The following GATA2 variants were observed in gnomAD, a reference collection of about 807,000 sequenced individuals.
GATA2 encodes GATA binding protein 2.
A neutral mutation model predicts 35.7 loss-of-function variants in GATA2; 6 were observed. The observed-to-expected ratio is 0.17, with a 90% CI of 0.09 to 0.33. The LOEUF (loss-of-function observed/expected upper bound fraction) is 0.33, where lower values mean the gene tolerates loss of function less well. GATA2 is among the 10% of genes least tolerant of loss of function. The pLI is 1.00. For missense variants in GATA2, 541 were observed against 656.6 expected, an observed-to-expected ratio of 0.82 and a Z score of 1.92; for synonymous variants, 313 against 274.9, an observed-to-expected ratio of 1.14 and a Z score of -1.37.
Position 128,488,692 on chromosome 3 carries a change from T to C in GATA2, c.-45-1616A>G, listed in dbSNP as rs973600130. On this transcript the variant is annotated intron_variant, in intron 1 of 5. Transcript: ENST00000341105. The surrounding 1 kb of genome is among the most constrained non-coding windows in gnomAD (Gnocchi z 5.8). ...AGACGCCCCCGGGCAAGAGGTGGCA[T>C]TTTTTTTCCTCCGGGGGGGGTCCCC... Among the ~76,000 whole-genome samples, 5 of 151,496 alleles carry C rather than the reference T, an allele frequency of 3.3e-5. No homozygotes were observed. The highest frequency in any genetic ancestry group is 7.4e-5 in the Non-Finnish European group (5 of 67,816).
At chr3:128,485,053 C>T (rs904754621) in intron 3 of GATA2, among the ~76,000 whole-genome samples, 3 of 152,190 alleles carry the variant, frequency 2.0e-5, no homozygotes, top group African/African-American at 7.2e-5. Context: ...CTTGGACAAA[C>T]CCAGTTTGGC....
Position 128,481,166 on chromosome 3 carries a change from G to A in GATA2, c.1296C>T (p.Ala432=), listed in dbSNP as rs2068622930. 1.2e-6 allele frequency: 2 copies of A among 1,614,212 alleles called. No individual in the cohort carries two copies. The highest frequency in any genetic ancestry group is 8.5e-7 in the Non-Finnish European group (1 of 1,180,032). The change falls in exon 6 of 6, where the codon GCC becomes GCT. Residue 432 remains alanine, a synonymous_variant. Transcript: ENST00000341105. The part of the protein sequence containing the change: ...QEKSSPFSAA[A]LAGHMAPVGH... ...CCACAGGTGCCATGTGTCCAGCCAG[G>A]GCAGCTGCACTGAAGGGGGATGACT...
chr3:128,482,878 A>G (rs1336260544), intron 4 of GATA2, among the ~76,000 whole-genome samples: 2 of 152,254 alleles, frequency 1.3e-5, no homozygotes, highest in Non-Finnish European at 2.9e-5. Flanking sequence ...AGAGAACTGC[A>G]GGCGGGAGTG....
At chr3:128,491,579 G>A (rs984536020) in intron 1 of GATA2, among the ~76,000 whole-genome samples, 7 of 152,190 alleles carry the variant, frequency 4.6e-5, no homozygotes, top group Non-Finnish European at 7.4e-5. Flanking sequence ...GGGGACTACT[G>A]CTATAACGGC....
intron 5 of GATA2, 137 bp downstream of exon 5, chr3:128,481,682 C>G (rs1054204402): frequency 2.7e-5 from 29 of 1,069,942 alleles, no homozygotes; most frequent in Non-Finnish European, 3.3e-5. Flanking sequence ...TACGGGAAGC[C>G]CTTCTGGCGC....
intron 5 of GATA2, among the ~76,000 whole-genome samples, 171 bp from the exon 6 acceptor site, chr3:128,481,489 G>C (rs111709459): frequency 5.3e-5 from 8 of 152,292 alleles, no homozygotes; most frequent in Non-Finnish European, 1.2e-4. Flanking sequence ...CAGGAAGGGC[G>C]GGTTCTGGCA....
intron 3 of GATA2, among the ~76,000 whole-genome samples, 199 bp from the exon 4 acceptor site, chr3:128,484,204 G>A (rs907778821): frequency 4.6e-5 from 7 of 152,166 alleles, no homozygotes; most frequent in Admixed American, 6.5e-5. Flanking sequence ...GTCCAGAGTC[G>A]TTTAAAGCCA....
At chr3:128,484,046 G>T in intron 3 of GATA2, 41 bp from the exon 4 acceptor site, 1 of 1,603,706 alleles carries the variant, frequency 6.2e-7, no homozygotes, top group Non-Finnish European at 8.5e-7. Flanking sequence ...CTGCTTAACC[G>T]GCAAGTTCTC....
chr3:128,486,832 C>A lies in GATA2; in HGVS notation c.200G>T (p.Arg67Leu), dbSNP rs1390513714. The A allele has an allele frequency of 6.2e-7, 1 of 1,610,324 alleles. No individual in the cohort carries two copies. The highest frequency in any genetic ancestry group is 1.1e-5 in the South Asian group (1 of 90,080). Residue 67 changes from arginine to leucine, a missense_variant, in exon 2 of 6, where the codon CGG becomes CTG. This residue lies in a region of GATA2 where 389 missense variants were observed against 396.9 expected (regional missense o/e 0.98). Transcript: ENST00000341105. ...CGCGGGGCTGTAGGAGACGCGCGCCCGCGCGTGAGCGGGGTTGGCATAGTA... is the reference window on the plus strand; with the variant it reads ...CGCGGGGCTGTAGGAGACGCGCGCCAGCGCGTGAGCGGGGTTGGCATAGTA... The part of the protein sequence containing the change: ...NPYYANPAHA[R>L]ARVSYSPAHA...
At chr3:128,491,157 C>G (rs1440578559) in intron 1 of GATA2, among the ~76,000 whole-genome samples, 1 of 151,094 alleles carries the variant, frequency 6.6e-6, no homozygotes, top group African/African-American at 2.4e-5. Context: ...TCTACTAAGC[C>G]GCGGGTGCCA....
chr3:128,493,147 T>A lies in GATA2; in HGVS notation c.-294A>T, dbSNP rs2107678162. On this transcript the variant is annotated 5_prime_UTR_variant, in exon 1 of 6. Transcript: ENST00000341105. Reference sequence around the variant, plus strand: ...GCAATAGACAGACTTGAGCAGCGAGTCCCGGGGCGACGCTGGCCTCGCTAC... The same window carrying A: ...GCAATAGACAGACTTGAGCAGCGAGACCCGGGGCGACGCTGGCCTCGCTAC... 6.6e-6 allele frequency: 1 copy of A among 152,082 alleles called. No individual in the cohort carries two copies. The highest frequency in any genetic ancestry group is 1.9e-4 in the East Asian group (1 of 5,158). The allele number at this position is 152,082 out of a possible 1,614,324, so 9.4% of individuals were successfully genotyped here.
intron 1 of GATA2, chr3:128,490,035 A>C (rs2068752998): frequency 6.6e-6 from 1 of 152,244 alleles, no homozygotes; most frequent in Non-Finnish European, 1.5e-5. Flanking sequence ...CGCGGCTCTC[A>C]GGGAAGTGGC....
At chr3:128,486,751 C>T in intron 2 of GATA2, 52 bp downstream of exon 2, 1 of 1,520,104 alleles carries the variant, frequency 6.6e-7, no homozygotes, top group Non-Finnish European at 9.0e-7. Flanking sequence ...CCTCCCCTCC[C>T]TCGCCTGGCG....
At position 128,485,989 on chromosome 3, in the gene GATA2, G is replaced by A; in HGVS notation, c.609C>T (p.Ala203=). The A allele has an allele frequency of 6.2e-7, 1 of 1,614,204 alleles. No individual in the cohort carries two copies. Residue 203 remains alanine, a synonymous_variant, in exon 3 of 6, where the codon GCC becomes GCT. Coordinates refer to ENST00000341105, the MANE Select transcript of GATA2 (RefSeq NM_032638.5). ...PASSSAGGSA[A]RGEDKDGVKY... ...TGACGCCGTCCTTGTCCTCTCCTCG[G>A]GCTGCACTACCCCCCGCGGAAGATG...
At chr3:128,489,650 C>G (rs2068748970) in intron 1 of GATA2, 1 of 152,150 alleles carries the variant, frequency 6.6e-6, no homozygotes, top group Non-Finnish European at 1.5e-5. Flanking sequence ...GGCGCCGGGC[C>G]TCCGCGGCCA....
rs1553771053 is a variant in GATA2, at chr3:128,486,296, C to T, written c.302G>A (p.Gly101Asp). ...HSPGLPWLDGGKAALSAAAAH... is the reference protein window; with the variant it reads ...HSPGLPWLDGDKAALSAAAAH... ...CGCAGCGGCAGAGAGGGCTGCTTTG[C>T]CCCCGTCCAGCCAGGGCAAACCCGG... Residue 101 changes from glycine (G) to aspartate (D), a missense_variant, in exon 3 of 6, where the codon GGC becomes GAC. Gly to Asp is a moderately conservative substitution (Grantham distance 94). Transcript: ENST00000341105. 6.3e-7 allele frequency: 1 copy of T among 1,588,358 alleles called. No individual in the cohort carries two copies. Among genetic ancestry groups the T allele is most frequent in the East Asian group, 2.3e-5 (1 of 44,082 alleles).
chr3:128,481,463 C>A (rs2068627374), intron 5 of GATA2, 145 bp from the exon 6 acceptor site: 2 of 924,070 alleles, frequency 2.2e-6, no homozygotes, highest in East Asian at 2.5e-5. Context: ...GTCCCATCAC[C>A]AGATGGCTAC....
rs781124043 is a variant in GATA2, at chr3:128,486,906, T to A, written c.126A>T (p.Pro42=). ...GATTGAAGAAGACGTCCACCTCGTC[T>A]GGAGGCAGCAGCTGCGCGGGTTCCA... is the stretch of plus-strand genomic sequence containing the variant. ...NYMEPAQLLP[P]DEVDVFFNHL... Residue 42 remains proline (P), a synonymous_variant, in exon 2 of 6, where the codon CCA becomes CCT. Transcript: ENST00000341105. 6.2e-7 allele frequency: 1 copy of A among 1,612,780 alleles called. No individual in the cohort carries two copies. Among genetic ancestry groups the A allele is most frequent in the Non-Finnish European group, 8.5e-7 (1 of 1,179,592 alleles).
In GATA2 at chr3:128,493,032, C is replaced by G. The variant is rs890513278; in HGVS notation, c.-179G>C. The G allele has an allele frequency of 6.5e-6, 1 of 152,802 alleles. No individual in the cohort carries two copies. 9.5% of individuals were successfully genotyped at this position (152,802 alleles called of 1,614,324 possible). A position where few individuals can be genotyped will look rare whatever the true frequency, so the allele number is the denominator to read the frequency against. The stretch of plus-strand genomic sequence containing the variant: ...GCGGCGCTCACCAGCAGAGCCTGGG[C>G]GGCACGCCGAGCGGCCGCATGGTGT... On this transcript the variant is annotated 5_prime_UTR_variant, in exon 1 of 6. Coordinates refer to ENST00000341105, the MANE Select transcript of GATA2 (RefSeq NM_032638.5).
Sources: allele counts gnomAD v4.1 joint callset (sites outside exome capture counted in the v4.1 genomes callset), GRCh38; gene constraint gnomAD v4.1.1; regional missense constraint gnomAD v4.1.1; non-coding constraint Gnocchi (gnomAD v3.1); transcripts MANE v1.5; gene names NCBI Gene and HGNC (gene_info 2026-07-23, HGNC 2026-07-21).